NFIB: variants seen among roughly 807,000 people sequenced by gnomAD.
NFIB encodes nuclear factor 1 B-type.
In NFIB, 11 loss-of-function variants were observed where a neutral mutation model predicts 61.5. That is an observed-to-expected ratio of 0.18 (90% CI 0.11 to 0.30). NFIB has a LOEUF of 0.30. NFIB is among the 10% of genes least tolerant of loss of function. The probability of loss-of-function intolerance (pLI) is 1.00; values close to 1 mark genes in which losing one functional copy is unlikely to be tolerated. For synonymous variants in NFIB, 260 were observed against 216.5 expected (o/e 1.20, Z -1.76); for missense variants, 471 against 608.9 (o/e 0.77, Z 2.38).
intron 2 of NFIB, among the ~76,000 whole-genome samples, chr9:14,229,380 G>A (rs528241736): frequency 4.3e-4 from 66 of 152,162 alleles, no homozygotes; most frequent in Admixed American, 1.4e-3. Context: ...ATGCCAAATG[G>A]GAGATCAAGT....
chr9:14,475,419 G>A, the NFIB span, among the ~76,000 whole-genome samples: 3 of 152,186 alleles, frequency 2.0e-5, no homozygotes, highest in Non-Finnish European at 4.4e-5. Context: ...TAAGTGAGGA[G>A]AGCCTTCCAT....
At chr9:14,496,744 C>A in the NFIB span, among the ~76,000 whole-genome samples, 2 of 152,228 alleles carry the variant, frequency 1.3e-5, no homozygotes, top group Non-Finnish European at 2.9e-5. Flanking sequence ...AGGACTTCCC[C>A]TCTCAGAGCC....
chr9:14,375,100 G>A (rs554792177), intron 1 of NFIB, among the ~76,000 whole-genome samples: 1 of 152,240 alleles, frequency 6.6e-6, no homozygotes, highest in Admixed American at 6.5e-5. Context: ...CAGTAACAGA[G>A]ACCAGACTTC....
intron 8 of NFIB, among the ~76,000 whole-genome samples, chr9:14,116,693 G>T (rs2038197639): frequency 6.6e-6 from 1 of 152,220 alleles, no homozygotes; most frequent in Admixed American, 6.5e-5. Context: ...ATTCCTTACT[G>T]AACTAGCTAC....
At chr9:14,507,391 T>C in the NFIB span, among the ~76,000 whole-genome samples, 2 of 152,276 alleles carry the variant, frequency 1.3e-5, no homozygotes, top group Admixed American at 6.5e-5. Context: ...GTTGATTATT[T>C]TGAAACCTTT....
At chr9:14,190,046 C>T (rs2047778242) in intron 2 of NFIB, among the ~76,000 whole-genome samples, 1 of 151,860 alleles carries the variant, frequency 6.6e-6, no homozygotes, top group South Asian at 2.1e-4. Flanking sequence ...GCATATGTTC[C>T]TAAAAAATTT....
chr9:14,185,654 C>T (rs1244346949), intron 2 of NFIB, among the ~76,000 whole-genome samples: 1 of 152,076 alleles, frequency 6.6e-6, no homozygotes, highest in Non-Finnish European at 1.5e-5. Flanking sequence ...GAACAGAAAA[C>T]CATCAGTCTA....
intron 2 of NFIB, among the ~76,000 whole-genome samples, chr9:14,271,339 T>C (rs1285138935): frequency 1.3e-5 from 2 of 152,054 alleles, no homozygotes; most frequent in Non-Finnish European, 2.9e-5. Flanking sequence ...ACTGAGGCTT[T>C]TGTGCTGTAC....
chr9:14,092,730 A>G (rs1290603980), intron 10 of NFIB, among the ~76,000 whole-genome samples: 1 of 152,048 alleles, frequency 6.6e-6, no homozygotes, highest in Non-Finnish European at 1.5e-5. Context: ...CTGAAATTCT[A>G]TGTATTCATC....
chr9:14,264,321 C>G (rs1414305177), intron 2 of NFIB, among the ~76,000 whole-genome samples: 1 of 152,178 alleles, frequency 6.6e-6, no homozygotes, highest in Non-Finnish European at 1.5e-5. Context: ...GCCCAGTCAA[C>G]AACCATTCTT....
chr9:14,394,601 C>A (rs561327683), intron 1 of NFIB, among the ~76,000 whole-genome samples: 79 of 152,288 alleles, frequency 5.2e-4, no homozygotes, highest in Non-Finnish European at 1.0e-3. Context: ...ATTATCTCCA[C>A]CTGGCCCTGC....
At chr9:14,259,766 G>A (rs761030481) in intron 2 of NFIB, among the ~76,000 whole-genome samples, 1 of 152,058 alleles carries the variant, frequency 6.6e-6, no homozygotes, top group Admixed American at 6.5e-5. Flanking sequence ...TTAGCCGGGC[G>A]TGGTGGCGGG....
At chr9:14,531,436 G>T in the NFIB span, among the ~76,000 whole-genome samples, 1 of 152,160 alleles carries the variant, frequency 6.6e-6, no homozygotes, top group African/African-American at 2.4e-5. Context: ...TCATTGAAAG[G>T]GAGGTGGATT....
At chr9:14,095,279 T>C (rs1225576833) in intron 10 of NFIB, among the ~76,000 whole-genome samples, 1 of 152,150 alleles carries the variant, frequency 6.6e-6, no homozygotes, top group African/African-American at 2.4e-5. Context: ...GATGAAAAAT[T>C]ATTATGAAGA....
chr9:14,444,714 T>C, the NFIB span, among the ~76,000 whole-genome samples: 1 of 152,206 alleles, frequency 6.6e-6, no homozygotes, highest in Non-Finnish European at 1.5e-5. Context: ...TCTTTGACTT[T>C]TAAAAAATTG....
intron 1 of NFIB, among the ~76,000 whole-genome samples, chr9:14,331,169 G>A (rs914504524): frequency 2.0e-5 from 3 of 152,058 alleles, no homozygotes; most frequent in South Asian, 4.1e-4. Flanking sequence ...CTATGCTTCC[G>A]CCCTGTGCTC....
intron 8 of NFIB, among the ~76,000 whole-genome samples, 155 bp from the exon 9 acceptor site, chr9:14,116,501 T>C (rs1187560133): frequency 2.0e-5 from 3 of 152,188 alleles, no homozygotes; most frequent in Non-Finnish European, 4.4e-5. Context: ...GGCCAGTCAA[T>C]GGTTGGTAGT....
chr9:14,495,445 A>ATTTTTTTTTTTTTTTTTTTTTTTTTTT, the NFIB span, among the ~76,000 whole-genome samples: 2 of 98,090 alleles, frequency 2.0e-5, no homozygotes, highest in Non-Finnish European at 1.9e-5. Context: ...AGAGAAATGA[A>ATTTTTTTTTTTTTTTTTTTTTTTTTTT]CTTTTTTTTT....
chr9:14,451,070 G>T, the NFIB span, among the ~76,000 whole-genome samples: 1 of 152,220 alleles, frequency 6.6e-6, no homozygotes, highest in Admixed American at 6.5e-5. Flanking sequence ...CATTACCTCG[G>T]TGAAGCCTGA....
Sources: gnomAD v4.1 joint callset for allele counts (sites outside exome capture counted in the v4.1 genomes callset) on GRCh38, gnomAD v4.1.1 for gene constraint, MANE v1.5 for transcripts, NCBI Gene and HGNC (gene_info 2026-07-23, HGNC 2026-07-21) for gene names.